The following RABGAP1L variants were observed in gnomAD, a reference collection of about 807,000 sequenced individuals.
The protein encoded by RABGAP1L is RAB GTPase activating protein 1 like.
In RABGAP1L, 63 loss-of-function variants were observed where a neutral mutation model predicts 137.7. The ratio of observed to expected loss-of-function variants is 0.46; its 90% CI spans 0.37 to 0.56. RABGAP1L has a LOEUF of 0.56. RABGAP1L is among the 20% of genes least tolerant of loss of function. The pLI is 0.00. For synonymous variants in RABGAP1L, 431 were observed against 433.7 expected, an observed-to-expected ratio of 0.99 and a Z score of 0.08; for missense variants, 1,095 against 1,244.0, an observed-to-expected ratio of 0.88 and a Z score of 1.80.
At chr1:174,221,520 T>C (rs892305644) in intron 3 of RABGAP1L, among the ~76,000 whole-genome samples, 5 of 148,406 alleles carry the variant, frequency 3.4e-5, no homozygotes, top group Non-Finnish European at 7.6e-5. Flanking sequence ...ACTACACTTA[T>C]TTAAAGTTAT....
Position 174,793,673 on chromosome 1 carries a change from T to A in RABGAP1L, c.2212-18159T>A, listed in dbSNP as rs1210590767. 5.3e-5 allele frequency among the ~76,000 whole-genome samples: 8 copies of A among 152,198 alleles called. No individual in the cohort carries two copies. In the East Asian group the frequency reaches 1.5e-3, roughly 29 times the overall value. On this transcript the variant is annotated intron_variant, in intron 18 of 25. Coordinates refer to ENST00000681986, the MANE Select transcript of RABGAP1L (RefSeq NM_001366446.1). Reference sequence around the variant, plus strand: ...ATCTGTCTTTCTATATCCAGAAGCATATAGTACAGTGTTGAGCAAAATCAA... The same window carrying A: ...ATCTGTCTTTCTATATCCAGAAGCAAATAGTACAGTGTTGAGCAAAATCAA...
intron 9 of RABGAP1L, among the ~76,000 whole-genome samples, chr1:174,276,342 G>A (rs76140710): frequency 3.9e-5 from 6 of 152,006 alleles, no homozygotes; most frequent in Admixed American, 1.3e-4. Context: ...GTAGCGATGG[G>A]GTCATGCTTT....
chr1:174,737,627 C>CA (rs140210967), intron 17 of RABGAP1L, among the ~76,000 whole-genome samples: 2,731 of 152,286 alleles, frequency 0.018, 32 homozygotes, highest in Non-Finnish European at 0.03. Flanking sequence ...AGCAACCCCT[C>CA]ACTCCTTGGT....
intron 13 of RABGAP1L, among the ~76,000 whole-genome samples, chr1:174,441,051 GTAT>G (rs1654074764): frequency 1.3e-5 from 2 of 149,424 alleles, no homozygotes; most frequent in African/African-American, 2.4e-5. Flanking sequence ...AAGAATAAAA[GTAT>G]TATATATATA....
chr1:174,978,524 G>T (rs1574063950), intron 22 of RABGAP1L, among the ~76,000 whole-genome samples: 2 of 152,146 alleles, frequency 1.3e-5, no homozygotes, highest in South Asian at 4.1e-4. Flanking sequence ...CTTCTGAATG[G>T]ATACTTATTT....
At chr1:174,908,537 C>CT (rs774387616) in intron 19 of RABGAP1L, among the ~76,000 whole-genome samples, 3,078 of 94,332 alleles carry the variant, frequency 0.033, 106 homozygotes, top group Non-Finnish European at 0.043. Context: ...ACAACATATT[C>CT]TTTTTTTTTT....
intron 19 of RABGAP1L, chr1:174,921,965 T>C (rs1558235350): frequency 6.6e-6 from 1 of 152,236 alleles, no homozygotes; most frequent in Non-Finnish European, 1.5e-5. Context: ...AACTCCACTT[T>C]TGAAACACTA....
chr1:174,797,630 TGTGTGGGGGG>T (rs1440234015), intron 18 of RABGAP1L, among the ~76,000 whole-genome samples: 2 of 66,108 alleles, frequency 3.0e-5, no homozygotes, highest in Non-Finnish European at 5.6e-5. Context: ...GGAGTGTGGG[TGTGTGGGGGG>T]GTGTGTGGGG....
At chr1:174,310,959 T>C (rs375592356) in intron 11 of RABGAP1L, among the ~76,000 whole-genome samples, 2 of 152,204 alleles carry the variant, frequency 1.3e-5, no homozygotes, top group Non-Finnish European at 2.9e-5. Context: ...TTATTGACTA[T>C]AGTCATCCTG....
At chr1:174,670,094 A>G (rs1677064578) in intron 14 of RABGAP1L, among the ~76,000 whole-genome samples, 1 of 152,130 alleles carries the variant, frequency 6.6e-6, no homozygotes, top group South Asian at 2.1e-4. Context: ...TAACAATATT[A>G]ATTTTTTCAG....
intron 17 of RABGAP1L, among the ~76,000 whole-genome samples, chr1:174,715,829 A>G (rs918939701): frequency 2.0e-5 from 3 of 152,176 alleles, no homozygotes; most frequent in Non-Finnish European, 4.4e-5. Flanking sequence ...AGGTCCTCCT[A>G]TGGTCTGGCA....
chr1:174,916,206 AACTTT>A (rs1660859934), intron 19 of RABGAP1L, among the ~76,000 whole-genome samples: 1 of 151,644 alleles, frequency 6.6e-6, no homozygotes, highest in Non-Finnish European at 1.5e-5. Context: ...TTTCCCTGGC[AACTTT>A]GTTGAAAGTC....
At position 174,433,988 on chromosome 1, in the gene RABGAP1L, G is replaced by A. The variant is rs534905251; in HGVS notation, c.1710+39843G>A. Among the ~76,000 whole-genome samples, 5 of 152,198 alleles carry A rather than the reference G, an allele frequency of 3.3e-5. No homozygotes were observed. The South Asian group carries it at 1.0e-3, about 32-fold the overall frequency. On this transcript the variant is annotated intron_variant, in intron 13 of 25. Transcript: ENST00000681986. ...CATTTTAATGAGCTTTGACATGCAT[G>A]CATGTGTGTAACCACATGTATCAAG...
At chr1:174,894,900 G>T (rs963808771) in intron 19 of RABGAP1L, among the ~76,000 whole-genome samples, 4 of 152,114 alleles carry the variant, frequency 2.6e-5, no homozygotes, top group African/African-American at 9.7e-5. Context: ...GAGATTACAG[G>T]TGCTCACCAC....
At chr1:174,840,432 G>T (rs1285935042) in intron 19 of RABGAP1L, among the ~76,000 whole-genome samples, 1 of 152,004 alleles carries the variant, frequency 6.6e-6, no homozygotes, top group African/African-American at 2.4e-5. Flanking sequence ...AACTTTCTAG[G>T]GGGCAAAACC....
At chr1:174,425,895 T>C (rs1382693245) in intron 13 of RABGAP1L, among the ~76,000 whole-genome samples, 1 of 152,062 alleles carries the variant, frequency 6.6e-6, no homozygotes, top group Non-Finnish European at 1.5e-5. Context: ...TATAAACAAA[T>C]GTTAGTTGTA....
At chr1:174,341,906 A>G (rs1682006631) in intron 11 of RABGAP1L, among the ~76,000 whole-genome samples, 1 of 152,168 alleles carries the variant, frequency 6.6e-6, no homozygotes, top group African/African-American at 2.4e-5. Flanking sequence ...ATCTTTCTTG[A>G]TAAGTACAAC....
intron 13 of RABGAP1L, among the ~76,000 whole-genome samples, chr1:174,404,837 G>C (rs970719977): frequency 3.9e-5 from 6 of 152,118 alleles, no homozygotes; most frequent in Non-Finnish European, 8.8e-5. Context: ...TATTAATTTG[G>C]TAGTTGCTGG....
chr1:174,618,531 G>A (rs962087655), intron 13 of RABGAP1L, among the ~76,000 whole-genome samples: 1 of 152,202 alleles, frequency 6.6e-6, no homozygotes, highest in Non-Finnish European at 1.5e-5. Context: ...CAGGCAAACA[G>A]GGACTGGAGT....
Sources: allele counts gnomAD v4.1 joint callset (sites outside exome capture counted in the v4.1 genomes callset), GRCh38; gene constraint gnomAD v4.1.1; transcripts MANE v1.5; gene names NCBI Gene and HGNC (gene_info 2026-07-23, HGNC 2026-07-21).